The following DOP1B variants were observed in gnomAD, a reference collection of about 807,000 sequenced individuals.
The protein encoded by DOP1B is protein DOP1B.
Under a neutral mutation model 233.5 loss-of-function variants are expected in DOP1B, and 174 were observed. The observed-to-expected ratio is 0.75, with a 90% confidence interval of 0.66 to 0.85. The LOEUF (loss-of-function observed/expected upper bound fraction) is 0.85, where lower values mean the gene tolerates loss of function less well. Among genes scored for constraint, DOP1B ranks in the 40% least tolerant of loss-of-function variants. The pLI is 0.00. For synonymous variants in DOP1B, 1,190 were observed against 1,185.6 expected (o/e 1.00, Z -0.08); for missense variants, 2,652 against 2,846.6 (o/e 0.93, Z 1.56).
chr21:36,243,622 C>T (rs79205423), intron 18 of DOP1B, among the ~76,000 whole-genome samples: 2,056 of 151,830 alleles, frequency 0.014, 49 homozygotes, highest in African/African-American at 0.048. Context: ...TATACATACT[C>T]TCTCCTAACT....
In DOP1B at chr21:36,208,830, G is replaced by T; in HGVS notation, c.607G>T (p.Val203Leu). Residue 203 changes from valine (V) to leucine (L), a missense_variant, in exon 5 of 37, where the codon GTG (valine) becomes TTG (leucine). Physicochemically the swap from Val to Leu is conservative, Grantham distance 32. This residue lies in a region of DOP1B where 2,617 missense variants were observed against 2,794.3 expected (regional missense o/e 0.94). Coordinates refer to ENST00000691173, the MANE Select transcript of DOP1B (RefSeq NM_001320714.2). ...CATCCGCCTCCCTGCCTCAGTCTTC[G>T]TGGTGGGCCACATCAACAGGGATGC... ...PSIRLPASVF[V>L]VGHINRDAPG... The T allele has an allele frequency of 6.2e-7, 1 of 1,601,006 alleles. No homozygotes were observed.
chr21:36,209,191 G>A (rs559522568), intron 5 of DOP1B, among the ~76,000 whole-genome samples: 62 of 152,260 alleles, frequency 4.1e-4, no homozygotes, highest in Admixed American at 8.5e-4. Context: ...GCACAACCTC[G>A]ACTCACTGCA....
At chr21:36,176,541 A>G (rs1234440829) in intron 2 of DOP1B, among the ~76,000 whole-genome samples, 1 of 151,872 alleles carries the variant, frequency 6.6e-6, no homozygotes, top group African/African-American at 2.4e-5. Context: ...TGTTCTGATG[A>G]CCTCTGTGGC....
At chr21:36,234,751 C>T (rs1210029949) in intron 15 of DOP1B, among the ~76,000 whole-genome samples, 5 of 151,922 alleles carry the variant, frequency 3.3e-5, no homozygotes, top group Non-Finnish European at 7.4e-5. Context: ...ATATTGGCCA[C>T]GCTGGTCTCA....
chr21:36,242,155 A>ATTG lies in DOP1B; in HGVS notation c.3067+2202_3067+2203insGTT, dbSNP rs71326656. On this transcript the variant is annotated intron_variant, in intron 18 of 36. Coordinates refer to ENST00000691173, the MANE Select transcript of DOP1B (RefSeq NM_001320714.2). ...CTATCTCCACAGTTCCTTGGGCATT[A>ATTG]TTATTATTATTATTATTATTATTAT... Among the ~76,000 whole-genome samples the ATTG allele has an allele frequency of 7.8e-3, 1,117 of 142,678 alleles. 12 individuals carry two copies. The highest frequency in any genetic ancestry group is 0.025 in the Middle Eastern group (7 of 278). 93.6% of individuals were successfully genotyped at this position (142,678 alleles called of 152,430 possible).
At chr21:36,169,707 C>T in intron 2 of DOP1B, 2 of 932,854 alleles carry the variant, frequency 2.1e-6, no homozygotes, top group Middle Eastern at 3.2e-4. Flanking sequence ...AGGCGGGTGA[C>T]TTGGCAGTGC....
At position 36,287,096 on chromosome 21, in the gene DOP1B, GA is replaced by G. The variant is rs907559431; in HGVS notation, c.6161-909del. 3.0e-4 allele frequency among the ~76,000 whole-genome samples: 46 copies of G among 151,492 alleles called. No homozygotes were observed. In the East Asian group the frequency reaches 6.6e-3, roughly 22 times the overall value. On this transcript the variant is annotated intron_variant, in intron 32 of 36. Transcript: ENST00000691173. The stretch of plus-strand genomic sequence containing the variant: ...TCCTAGGAAACCTTAAGCTATGGAA[GA>G]AAAAAAAAGTCTCATTCTACAAACA...
At chr21:36,227,059 T>G (rs113084948) in intron 12 of DOP1B, among the ~76,000 whole-genome samples, 2,265 of 149,462 alleles carry the variant, frequency 0.015, 40 homozygotes, top group Middle Eastern at 0.025. Context: ...ATACAAAAAG[T>G]TAGCCGGGTG....
intron 15 of DOP1B, among the ~76,000 whole-genome samples, chr21:36,234,688 G>A (rs1235034160): frequency 6.6e-6 from 1 of 151,820 alleles, no homozygotes; most frequent in Non-Finnish European, 1.5e-5. Flanking sequence ...CTACAGATGT[G>A]CGCCCTCACA....
intron 32 of DOP1B, among the ~76,000 whole-genome samples, chr21:36,282,137 T>C (rs1036775907): frequency 7.2e-5 from 11 of 152,156 alleles, no homozygotes; most frequent in African/African-American, 2.7e-4. Flanking sequence ...AAATCAATTA[T>C]AGGTCAGGTA....
chr21:36,240,615 A>C (rs2066882797), intron 18 of DOP1B, among the ~76,000 whole-genome samples: 1 of 152,228 alleles, frequency 6.6e-6, no homozygotes, highest in Admixed American at 6.5e-5. Context: ...AGAAATGAAG[A>C]AGAAATAAAC....
chr21:36,271,686 T>A (rs1164211409), intron 27 of DOP1B, among the ~76,000 whole-genome samples: 1 of 152,052 alleles, frequency 6.6e-6, no homozygotes, highest in African/African-American at 2.4e-5. Context: ...TCCCACCATG[T>A]GTATGCCATC....
At chr21:36,282,502 C>A (rs907417535) in intron 32 of DOP1B, among the ~76,000 whole-genome samples, 3 of 152,204 alleles carry the variant, frequency 2.0e-5, no homozygotes, top group Non-Finnish European at 4.4e-5. Context: ...AGGAATAATA[C>A]TTCCTCAGCA....
At chr21:36,263,236 C>G (rs1384839701) in intron 24 of DOP1B, among the ~76,000 whole-genome samples, 1 of 47,498 alleles carries the variant, frequency 2.1e-5, no homozygotes, top group African/African-American at 1.2e-4. Flanking sequence ...CTCCGTCTCA[C>G]CAAAAAAAAA....
chr21:36,231,177 G>A lies in DOP1B; in HGVS notation c.2350+43G>A, dbSNP rs145615129. 9.0e-5 allele frequency: 139 copies of A among 1,537,010 alleles called. No homozygotes were observed. The African/African-American group carries it at 1.6e-3, about 18-fold the overall frequency. On this transcript the variant is annotated intron_variant, in intron 14 of 36. Coordinates refer to ENST00000691173, the MANE Select transcript of DOP1B (RefSeq NM_001320714.2). ...CGAAGTCCCTCTTTGGGAATCATAC[G>A]ATGAGGCGATTGACGTGGGTGGAAT...
At chr21:36,181,217 T>C (rs1375450513) in intron 2 of DOP1B, among the ~76,000 whole-genome samples, 1 of 152,180 alleles carries the variant, frequency 6.6e-6, no homozygotes, top group Non-Finnish European at 1.5e-5. Flanking sequence ...AAGCATGTTA[T>C]TCAGATGGGT....
In DOP1B at chr21:36,286,756, G is replaced by A. The variant is rs192159594; in HGVS notation, c.6161-1258G>A. On this transcript the variant is annotated intron_variant, in intron 32 of 36. Transcript: ENST00000691173. ...GCAGGTGGATCATCTGAGGTCAGGA[G>A]TTAAAAGATCAGCCTGGCCAACATG... Among the ~76,000 whole-genome samples the A allele has an allele frequency of 1.7e-3, 255 of 152,030 alleles. 1 individual carries two copies. Among genetic ancestry groups the A allele is most frequent in the African/African-American group, 6.0e-3 (247 of 41,462 alleles).
At chr21:36,219,941 G>T (rs1181346303) in intron 10 of DOP1B, among the ~76,000 whole-genome samples, 1 of 151,766 alleles carries the variant, frequency 6.6e-6, no homozygotes, top group Non-Finnish European at 1.5e-5. Flanking sequence ...GGGGGTGTTG[G>T]GGGAGATTGG....
At chr21:36,207,642 A>T (rs999266252) in intron 4 of DOP1B, among the ~76,000 whole-genome samples, 2 of 152,032 alleles carry the variant, frequency 1.3e-5, no homozygotes, top group Non-Finnish European at 2.9e-5. Flanking sequence ...TCTAGGAGGC[A>T]TCACAACCAG....
Sources: gnomAD v4.1 joint callset for allele counts (sites outside exome capture counted in the v4.1 genomes callset) on GRCh38, gnomAD v4.1.1 for gene constraint, gnomAD v4.1.1 regional missense constraint, MANE v1.5 for transcripts, NCBI Gene and HGNC (gene_info 2026-07-23, HGNC 2026-07-21) for gene names.